The following ANK2 variants were observed in gnomAD, a reference collection of about 807,000 sequenced individuals.
ANK2 encodes ankyrin 2.
A neutral mutation model predicts 360.5 loss-of-function variants in ANK2; 83 were observed. The observed-to-expected ratio is 0.23, with a 90% CI of 0.19 to 0.28. ANK2 has a LOEUF of 0.28. Ranked by LOEUF, ANK2 falls within the 10% of genes least tolerant of loss-of-function variation. The pLI is 1.00. For missense variants in ANK2, 4,201 were observed against 4,795.7 expected (o/e 0.88, Z 3.66); for synonymous variants, 1,740 against 1,759.5 (o/e 0.99, Z 0.28).
At chr4:112,931,347 A>G (rs112243024) in intron 2 of ANK2, among the ~76,000 whole-genome samples, 3,134 of 152,158 alleles carry the variant, frequency 0.021, 80 homozygotes, top group African/African-American at 0.064. Flanking sequence ...TGTGGTTTTC[A>G]AGAAGCTGTA....
At chr4:112,853,316 C>A (rs1335007782) in intron 1 of ANK2, among the ~76,000 whole-genome samples, 1 of 152,128 alleles carries the variant, frequency 6.6e-6, no homozygotes, top group African/African-American at 2.4e-5. Context: ...ATCCGCCCAC[C>A]TCGGCCTCCC....
At chr4:112,929,780 T>TTC (rs1048335190) in intron 2 of ANK2, among the ~76,000 whole-genome samples, 4 of 152,034 alleles carry the variant, frequency 2.6e-5, no homozygotes, top group Admixed American at 2.0e-4. Context: ...TCAGCCTTAG[T>TTC]TCTCTCTCTC....
the ANK2 span, among the ~76,000 whole-genome samples, chr4:112,722,285 C>A: frequency 6.6e-6 from 1 of 152,196 alleles, no homozygotes; most frequent in Non-Finnish European, 1.5e-5. Context: ...CACTAACTCT[C>A]TCTGCAAATG....
At chr4:112,957,022 T>TTG (rs2095367739) in intron 2 of ANK2, among the ~76,000 whole-genome samples, 1 of 148,348 alleles carries the variant, frequency 6.7e-6, no homozygotes, top group African/African-American at 2.5e-5. Context: ...TTTTTTTTTT[T>TTG]TTTTTTTTTT....
intron 2 of ANK2, among the ~76,000 whole-genome samples, chr4:112,945,928 C>A (rs982384665): frequency 1.3e-5 from 2 of 152,130 alleles, no homozygotes; most frequent in African/African-American, 4.8e-5. Flanking sequence ...AAGACTGGCA[C>A]AGAGAAATAC....
At chr4:112,966,415 T>C (rs1397955710) in intron 2 of ANK2, among the ~76,000 whole-genome samples, 5 of 151,864 alleles carry the variant, frequency 3.3e-5, no homozygotes, top group African/African-American at 1.2e-4. Flanking sequence ...GTAAATACTG[T>C]TAATGTTTTG....
intron 18 of ANK2, 124 bp from the exon 19 acceptor site, chr4:113,287,481 C>T: frequency 1.3e-6 from 1 of 782,130 alleles, no homozygotes; most frequent in Non-Finnish European, 2.1e-6. Flanking sequence ...GATATAGTTT[C>T]TGGGAAGAGG....
intron 2 of ANK2, among the ~76,000 whole-genome samples, chr4:112,923,767 A>T (rs1386810350): frequency 6.6e-6 from 1 of 152,206 alleles, no homozygotes; most frequent in Non-Finnish European, 1.5e-5. Flanking sequence ...GTTAAGTTTT[A>T]GATATTGGAA....
chr4:112,848,000 A>ATCAT (rs2063724763), intron 1 of ANK2, among the ~76,000 whole-genome samples: 1 of 152,186 alleles, frequency 6.6e-6, no homozygotes. Flanking sequence ...GTGTCTGCCC[A>ATCAT]TCATTCATTG....
intron 4 of ANK2, among the ~76,000 whole-genome samples, chr4:113,225,845 C>T (rs1390781852): frequency 6.6e-6 from 1 of 152,050 alleles, no homozygotes; most frequent in Non-Finnish European, 1.5e-5. Flanking sequence ...TTGGCTAAAA[C>T]CTGATTACTG....
intron 1 of ANK2, among the ~76,000 whole-genome samples, chr4:113,075,292 C>T (rs544502771): frequency 6.6e-6 from 1 of 152,138 alleles, no homozygotes; most frequent in Non-Finnish European, 1.5e-5. Context: ...TCAATCATAT[C>T]TTTTTATATA....
chr4:112,798,502 T>C, the ANK2 span: 1 of 152,272 alleles, frequency 6.6e-6, no homozygotes, highest in African/African-American at 2.4e-5. Context: ...GCAAGGCTGG[T>C]CTTGAACTCC....
chr4:113,324,367 TTC>T (rs770337186), intron 26 of ANK2, among the ~76,000 whole-genome samples: 7 of 152,228 alleles, frequency 4.6e-5, no homozygotes, highest in Non-Finnish European at 7.3e-5. Context: ...ATACCTGTTA[TTC>T]TGTTATTTAT....
chr4:112,871,122 A>G (rs149063988), intron 1 of ANK2, among the ~76,000 whole-genome samples: 4,496 of 152,118 alleles, frequency 0.03, 81 homozygotes, highest in Middle Eastern at 0.041. Context: ...AAAGTGTTTA[A>G]GAATAGGACT....
At chr4:113,269,758 TC>T (rs2057803726) in intron 14 of ANK2, among the ~76,000 whole-genome samples, 1 of 152,206 alleles carries the variant, frequency 6.6e-6, no homozygotes, top group Non-Finnish European at 1.5e-5. Context: ...CAAGTCTTTA[TC>T]AGTAAAATAT....
chr4:113,030,026 A>G (rs1267545766), intron 2 of ANK2, among the ~76,000 whole-genome samples: 2 of 152,102 alleles, frequency 1.3e-5, no homozygotes, highest in Non-Finnish European at 2.9e-5. Flanking sequence ...TAATAATTAT[A>G]TTTATTATCT....
the ANK2 span, among the ~76,000 whole-genome samples, chr4:112,755,523 G>C: frequency 1.1e-3 from 171 of 152,290 alleles, 3 homozygotes; most frequent in East Asian, 7.9e-3. Flanking sequence ...AACGTTTTGC[G>C]GGCAGGGGTG....
chr4:112,877,408 G>T (rs779630797), intron 1 of ANK2, among the ~76,000 whole-genome samples: 1 of 152,092 alleles, frequency 6.6e-6, no homozygotes, highest in African/African-American at 2.4e-5. Flanking sequence ...AGAGTGCTGT[G>T]GTATGATTAT....
the ANK2 span, among the ~76,000 whole-genome samples, chr4:112,793,962 G>T: frequency 6.6e-6 from 1 of 152,086 alleles, no homozygotes; most frequent in African/African-American, 2.4e-5. Flanking sequence ...CTCCCAAAGT[G>T]CTGGGATTAC....
Sources: gnomAD v4.1 joint callset for allele counts (sites outside exome capture counted in the v4.1 genomes callset) on GRCh38, gnomAD v4.1.1 for gene constraint, MANE v1.5 for transcripts, NCBI Gene and HGNC (gene_info 2026-07-23, HGNC 2026-07-21) for gene names.